TXNDC16: variants seen among roughly 807,000 people sequenced by gnomAD.
The protein encoded by TXNDC16 is thioredoxin domain containing 16.
TXNDC16 carries 74 observed loss-of-function variants against 85.6 expected under a neutral mutation model. The observed-to-expected ratio is 0.86, with a 90% CI of 0.72 to 1.05. TXNDC16 has a LOEUF of 1.05. Ranked by LOEUF, TXNDC16 falls within the 50% of genes least tolerant of loss-of-function variation. The probability of loss-of-function intolerance (pLI) is 0.00; values close to 1 mark genes in which losing one functional copy is unlikely to be tolerated. For synonymous variants in TXNDC16, 335 were observed against 326.5 expected (o/e 1.03, Z -0.28); for missense variants, 959 against 947.0 (o/e 1.01, Z -0.17).
chr14:52,551,692 CAAT>C (rs2038053081), intron 1 of TXNDC16, among the ~76,000 whole-genome samples: 1 of 152,026 alleles, frequency 6.6e-6, no homozygotes, highest in Non-Finnish European at 1.5e-5. Context: ...TGTGCCGGCC[CAAT>C]ATACGTTAGT....
At chr14:52,514,619 C>T (rs2037035453) in intron 8 of TXNDC16, among the ~76,000 whole-genome samples, 1 of 152,126 alleles carries the variant, frequency 6.6e-6, no homozygotes, top group African/African-American at 2.4e-5. Flanking sequence ...AGATATCCCG[C>T]TTGGCCACTC....
chr14:52,522,878 G>GCCC (rs2037241123), intron 6 of TXNDC16, among the ~76,000 whole-genome samples: 2 of 152,134 alleles, frequency 1.3e-5, no homozygotes, highest in Non-Finnish European at 2.9e-5. Flanking sequence ...CCATCTGAAA[G>GCCC]CAGAACTATC....
At chr14:52,526,557 T>C (rs2037340040) in intron 6 of TXNDC16, among the ~76,000 whole-genome samples, 1 of 152,214 alleles carries the variant, frequency 6.6e-6, no homozygotes, top group Admixed American at 6.5e-5. Context: ...TAAGCTTGTT[T>C]CCTTTTCTCC....
intron 13 of TXNDC16, among the ~76,000 whole-genome samples, 162 bp from the exon 14 acceptor site, chr14:52,482,451 T>C (rs1189371303): frequency 6.6e-6 from 1 of 151,838 alleles, no homozygotes; most frequent in Non-Finnish European, 1.5e-5. Flanking sequence ...CTTAAGAGAG[T>C]TTCAAATGCA....
intron 6 of TXNDC16, among the ~76,000 whole-genome samples, chr14:52,534,717 T>C (rs1262558351): frequency 6.6e-6 from 1 of 152,184 alleles, no homozygotes. Flanking sequence ...ACTTCTACTA[T>C]TTTACTTATC....
chr14:52,516,156 G>A (rs2037078038), intron 7 of TXNDC16, among the ~76,000 whole-genome samples: 1 of 151,996 alleles, frequency 6.6e-6, no homozygotes, highest in Non-Finnish European at 1.5e-5. Flanking sequence ...CTGCACAACT[G>A]CCATCCTGAG....
chr14:52,488,863 T>C (rs1280716248), intron 11 of TXNDC16, among the ~76,000 whole-genome samples: 1 of 146,436 alleles, frequency 6.8e-6, no homozygotes, highest in Non-Finnish European at 1.5e-5. Flanking sequence ...GTTTTACTTG[T>C]TTGACACTAA....
At chr14:52,525,556 G>C (rs1368933012) in intron 6 of TXNDC16, among the ~76,000 whole-genome samples, 1 of 151,002 alleles carries the variant, frequency 6.6e-6, no homozygotes, top group Non-Finnish European at 1.5e-5. Context: ...AAATTAGCCA[G>C]GTATGGTGGC....
intron 6 of TXNDC16, among the ~76,000 whole-genome samples, chr14:52,528,472 T>C (rs868815222): frequency 5.3e-5 from 8 of 152,196 alleles, no homozygotes; most frequent in South Asian, 4.1e-4. Context: ...TGTATGTCAT[T>C]GAATTTTTGT....
intron 8 of TXNDC16, among the ~76,000 whole-genome samples, chr14:52,514,471 T>C (rs2037030770): frequency 6.6e-6 from 1 of 152,176 alleles, no homozygotes; most frequent in South Asian, 2.1e-4. Flanking sequence ...AAACATTCTG[T>C]TCAAAAACTG....
At chr14:52,463,946 A>G (rs1337550019) in intron 16 of TXNDC16, among the ~76,000 whole-genome samples, 1 of 152,240 alleles carries the variant, frequency 6.6e-6, no homozygotes, top group African/African-American at 2.4e-5. Flanking sequence ...AAAGGAACGA[A>G]TATCTAACTG....
chr14:52,518,285 T>C (rs567637994), intron 7 of TXNDC16, among the ~76,000 whole-genome samples: 95 of 152,328 alleles, frequency 6.2e-4, no homozygotes, highest in Non-Finnish European at 1.2e-3. Context: ...CAACATGAAA[T>C]GCAGTCTAGT....
At chr14:52,496,437 T>A (rs959009940) in intron 9 of TXNDC16, among the ~76,000 whole-genome samples, 10 of 143,670 alleles carry the variant, frequency 7.0e-5, no homozygotes, top group African/African-American at 7.9e-5. Flanking sequence ...TTTTTTTTTT[T>A]AAAGCCTGTG....
chr14:52,495,143 T>G (rs34173180), intron 9 of TXNDC16, among the ~76,000 whole-genome samples: 117 of 152,346 alleles, frequency 7.7e-4, no homozygotes, highest in Non-Finnish European at 1.3e-3. Context: ...AATCATTTCT[T>G]TTGCTCAAAT....
At chr14:52,449,406 G>T (rs1419198290) in intron 18 of TXNDC16, among the ~76,000 whole-genome samples, 1 of 151,982 alleles carries the variant, frequency 6.6e-6, no homozygotes, top group African/African-American at 2.4e-5. Context: ...TATAACAATT[G>T]TAAATATATA....
intron 18 of TXNDC16, among the ~76,000 whole-genome samples, chr14:52,454,546 G>A (rs1444368991): frequency 2.0e-5 from 3 of 149,886 alleles, no homozygotes; most frequent in African/African-American, 4.9e-5. Flanking sequence ...GCTTATGCCT[G>A]TAATCCCAGT....
intron 6 of TXNDC16, among the ~76,000 whole-genome samples, chr14:52,533,385 C>T (rs1030805548): frequency 6.6e-6 from 1 of 152,040 alleles, no homozygotes; most frequent in African/African-American, 2.4e-5. Flanking sequence ...AAAGAAAATC[C>T]CCCCTTTGCT....
intron 16 of TXNDC16, among the ~76,000 whole-genome samples, chr14:52,469,766 A>C (rs1285461524): frequency 6.6e-6 from 1 of 152,156 alleles, no homozygotes; most frequent in African/African-American, 2.4e-5. Context: ...AACAAAAAAA[A>C]CGCAAGATTC....
intron 17 of TXNDC16, 70 bp from the exon 18 acceptor site, chr14:52,455,532 A>G: frequency 6.3e-7 from 1 of 1,580,304 alleles, no homozygotes; most frequent in Non-Finnish European, 8.6e-7. Context: ...AATCTAGGCT[A>G]GGAGGTCACA....
Sources: allele counts gnomAD v4.1 joint callset (sites outside exome capture counted in the v4.1 genomes callset), GRCh38; gene constraint gnomAD v4.1.1; transcripts MANE v1.5; gene names NCBI Gene and HGNC (gene_info 2026-07-23, HGNC 2026-07-21).